The following MMP26 variants were observed in gnomAD, a reference collection of about 807,000 sequenced individuals.
MMP26 encodes the protein matrix metallopeptidase 26.
Under a neutral mutation model 31.0 loss-of-function variants are expected in MMP26, and 33 were observed. That is an observed-to-expected ratio of 1.06 (90% CI 0.81 to 1.42). The LOEUF (loss-of-function observed/expected upper bound fraction) is 1.42. MMP26 is among the 40% of genes most tolerant of loss of function. The pLI is 0.00. For missense variants in MMP26, 347 were observed against 316.1 expected (o/e 1.10, Z -0.74); for synonymous variants, 122 against 114.9 (o/e 1.06, Z -0.40).
At chr11:4,816,946 G>C (rs990049405) in intron 2 of MMP26, among the ~76,000 whole-genome samples, 2 of 150,606 alleles carry the variant, frequency 1.3e-5, no homozygotes, top group Non-Finnish European at 3.0e-5. Context: ...TCCTGACCTC[G>C]TGATCCACCC....
At chr11:4,914,785 A>G (rs752018855) in intron 2 of MMP26, 2 of 1,613,988 alleles carry the variant, frequency 1.2e-6, no homozygotes, top group South Asian at 1.1e-5. Context: ...AGACAATGGG[A>G]TTCATCACAG....
chr11:4,891,633 T>G (rs181730515), intron 2 of MMP26, among the ~76,000 whole-genome samples: 21 of 152,318 alleles, frequency 1.4e-4, no homozygotes, highest in Admixed American at 7.8e-4. Context: ...TATGATTGAC[T>G]ATTAACCCTC....
intron 2 of MMP26, among the ~76,000 whole-genome samples, chr11:4,918,697 T>C (rs772927098): frequency 1.3e-5 from 2 of 152,174 alleles, no homozygotes; most frequent in African/African-American, 2.4e-5. Flanking sequence ...AAGATAGACT[T>C]AATCCATGGC....
At chr11:4,824,496 T>C (rs2133475102) in intron 2 of MMP26, among the ~76,000 whole-genome samples, 1 of 152,254 alleles carries the variant, frequency 6.6e-6, no homozygotes, top group Admixed American at 6.5e-5. Context: ...TCTTTCATTG[T>C]TATGTGTAGC....
intron 1 of MMP26, chr11:4,718,472 T>C (rs1440657925): frequency 6.6e-6 from 1 of 152,232 alleles, no homozygotes; most frequent in African/African-American, 2.4e-5. Context: ...AACCAATCTT[T>C]ATGGGCTTTC....
At chr11:4,798,181 A>C (rs4910683) in intron 2 of MMP26, among the ~76,000 whole-genome samples, 56,163 of 152,180 alleles carry the variant, frequency 0.37, 11,461 homozygotes, top group African/African-American at 0.52. Flanking sequence ...GACAGTCCAG[A>C]TTCATCAGGG....
At chr11:4,897,746 A>C (rs1274631437) in intron 2 of MMP26, among the ~76,000 whole-genome samples, 1 of 151,510 alleles carries the variant, frequency 6.6e-6, no homozygotes, top group Non-Finnish European at 1.5e-5. Flanking sequence ...CAAATATTAT[A>C]TTGTACCATA....
At chr11:4,943,703 T>C (rs548480709) in intron 2 of MMP26, 1 of 355,672 alleles carries the variant, frequency 2.8e-6, no homozygotes, top group Non-Finnish European at 5.6e-6. Flanking sequence ...AGAACCACTG[T>C]TTAAGGAGCC....
intron 1 of MMP26, chr11:4,756,534 A>C (rs1848506202): frequency 6.6e-6 from 1 of 152,116 alleles, no homozygotes; most frequent in African/African-American, 2.4e-5. Flanking sequence ...TTTCCTATAA[A>C]GAAATGGAAA....
intron 2 of MMP26, chr11:4,914,387 C>A (rs756848509): frequency 9.4e-5 from 21 of 222,646 alleles, no homozygotes; most frequent in Non-Finnish European, 1.8e-4. Context: ...ATACTCAATT[C>A]ATGAGGCATT....
chr11:4,794,292 C>G (rs1483370245), intron 2 of MMP26: 21 of 152,090 alleles, frequency 1.4e-4, no homozygotes, highest in Admixed American at 1.4e-3. Flanking sequence ...TGTCCAAACC[C>G]AAAGAATAGA....
At chr11:4,727,894 G>T (rs116523280) in intron 1 of MMP26, among the ~76,000 whole-genome samples, 1,627 of 152,280 alleles carry the variant, frequency 0.011, 26 homozygotes, top group African/African-American at 0.037. Context: ...AAAATAATGA[G>T]CTGTCATTAT....
intron 2 of MMP26, among the ~76,000 whole-genome samples, chr11:4,872,722 G>A (rs1258316008): frequency 2.0e-5 from 3 of 151,938 alleles, no homozygotes; most frequent in Admixed American, 2.0e-4. Context: ...GTATGGAAGT[G>A]AAGTTCAATA....
At chr11:4,901,389 T>C (rs889672647) in intron 2 of MMP26, among the ~76,000 whole-genome samples, 2 of 152,002 alleles carry the variant, frequency 1.3e-5, no homozygotes, top group Non-Finnish European at 2.9e-5. Context: ...CTCAATCTCC[T>C]GACCTTGTGA....
At chr11:4,807,234 C>G (rs1849283224) in intron 2 of MMP26, among the ~76,000 whole-genome samples, 1 of 151,964 alleles carries the variant, frequency 6.6e-6, no homozygotes, top group South Asian at 2.1e-4. Context: ...AGTTCTAGAT[C>G]CTTAAGGAAT....
chr11:4,803,319 G>T, intron 2 of MMP26: 1 of 758,022 alleles, frequency 1.3e-6, no homozygotes, highest in Non-Finnish European at 2.1e-6. Flanking sequence ...TTACCTCTGA[G>T]CCAGTTATTT....
At chr11:4,909,551 A>G (rs1237417844) in intron 2 of MMP26, 2 of 152,188 alleles carry the variant, frequency 1.3e-5, no homozygotes, top group African/African-American at 2.4e-5. Context: ...GCCCTCTTAG[A>G]CAATGATCCT....
chr11:4,908,302 GA>G lies in MMP26; in HGVS notation c.-144-79765del. 3 of 1,613,432 alleles carry G rather than the reference GA, an allele frequency of 1.9e-6. 1 individual carries two copies. The East Asian group carries it at 6.7e-5, about 36-fold the overall frequency. ...TGGGGAAGTTGCTTAATGTATGTGGGAGATAAGAACTTGAACAATTAGGTAA... is the reference window on the plus strand; with the variant it reads ...TGGGGAAGTTGCTTAATGTATGTGGGGATAAGAACTTGAACAATTAGGTAA... On this transcript the variant is annotated intron_variant, in intron 2 of 7. Transcript: ENST00000380390.
In MMP26 at chr11:4,754,366, ATT is replaced by A. The variant is rs556794096; in HGVS notation, c.-216-12902_-216-12901del. ...ATTTGAAGATTTCTGATTATTTAAA[ATT>A]TGTATGGCTCAGACGTGAAACAATT... On this transcript the variant is annotated intron_variant, in intron 1 of 7. Coordinates refer to ENST00000380390, the MANE Select transcript of MMP26 (RefSeq NM_021801.5). Among the ~76,000 whole-genome samples, 38 of 152,034 alleles carry A rather than the reference ATT, an allele frequency of 2.5e-4. No homozygotes were observed. The South Asian group carries it at 2.9e-3, about 12-fold the overall frequency.
Sources: gnomAD v4.1 joint callset for allele counts (sites outside exome capture counted in the v4.1 genomes callset) on GRCh38, gnomAD v4.1.1 for gene constraint, MANE v1.5 for transcripts, NCBI Gene and HGNC (gene_info 2026-07-23, HGNC 2026-07-21) for gene names.